Variants in TCERG1L observed in about 807,000 individuals in gnomAD.
The protein encoded by TCERG1L is transcription elongation regulator 1 like.
Under a neutral mutation model 56.3 loss-of-function variants are expected in TCERG1L, and 37 were observed. The ratio of observed to expected loss-of-function variants is 0.66; its 90% CI spans 0.51 to 0.87. TCERG1L has a LOEUF of 0.87. Ranked by LOEUF, TCERG1L falls within the 40% of genes least tolerant of loss-of-function variation. TCERG1L has a pLI of 0.00. For missense variants in TCERG1L, 799 were observed against 774.2 expected (o/e 1.03, Z -0.38); for synonymous variants, 324 against 326.3 (o/e 0.99, Z 0.08).
intron 4 of TCERG1L, among the ~76,000 whole-genome samples, chr10:131,229,802 AT>A (rs558953245): frequency 5.6e-4 from 85 of 152,290 alleles, no homozygotes; most frequent in Middle Eastern, 3.4e-3. Context: ...ATAATTGAGA[AT>A]AAAGGCATAG....
At chr10:131,163,463 T>C (rs560582813) in intron 5 of TCERG1L, among the ~76,000 whole-genome samples, 58 of 152,266 alleles carry the variant, frequency 3.8e-4, no homozygotes, top group African/African-American at 1.3e-3. Flanking sequence ...GCTGCCTGCT[T>C]TTCCAGAAGC....
intron 3 of TCERG1L, among the ~76,000 whole-genome samples, chr10:131,266,228 G>A (rs540758606): frequency 6.6e-6 from 1 of 152,282 alleles, no homozygotes; most frequent in South Asian, 2.1e-4. Flanking sequence ...TCCACTTCTA[G>A]TTCTCTTGCT....
At chr10:131,141,356 C>T (rs1845736824) in intron 7 of TCERG1L, among the ~76,000 whole-genome samples, 1 of 152,110 alleles carries the variant, frequency 6.6e-6, no homozygotes, top group African/African-American at 2.4e-5. Context: ...ACCTCCCCTC[C>T]CTGCCTCCTG....
intron 3 of TCERG1L, among the ~76,000 whole-genome samples, chr10:131,300,288 T>C (rs1397647614): frequency 3.3e-5 from 5 of 152,188 alleles, no homozygotes; most frequent in African/African-American, 1.2e-4. Context: ...AATGTCCATT[T>C]TTATTTCCTT....
At chr10:131,196,661 C>T (rs958015288) in intron 4 of TCERG1L, among the ~76,000 whole-genome samples, 1 of 152,210 alleles carries the variant, frequency 6.6e-6, no homozygotes, top group African/African-American at 2.4e-5. Context: ...CTTGGCACAC[C>T]TGGGGCTGCG....
chr10:131,151,342 G>A (rs1206514416), intron 6 of TCERG1L, among the ~76,000 whole-genome samples: 1 of 152,170 alleles, frequency 6.6e-6, no homozygotes, highest in Admixed American at 6.5e-5. Context: ...ACAGGCATTG[G>A]ATAAATGCTC....
chr10:131,273,129 C>T (rs1322243584), intron 3 of TCERG1L, among the ~76,000 whole-genome samples: 4 of 152,178 alleles, frequency 2.6e-5, no homozygotes, highest in Non-Finnish European at 4.4e-5. Flanking sequence ...TTCCACTCCC[C>T]GCATCCCTTC....
intron 4 of TCERG1L, among the ~76,000 whole-genome samples, chr10:131,184,730 A>T (rs1048083439): frequency 1.3e-5 from 2 of 152,236 alleles, no homozygotes; most frequent in Non-Finnish European, 2.9e-5. Flanking sequence ...CCTCAGCATC[A>T]AACAAGGAAA....
chr10:131,310,996 C>G (rs1846885215), intron 1 of TCERG1L, among the ~76,000 whole-genome samples: 1 of 152,206 alleles, frequency 6.6e-6, no homozygotes, highest in Admixed American at 6.5e-5. Flanking sequence ...GGACAGTGAC[C>G]CCCGGCGTGG....
At chr10:131,241,684 T>C (rs529299340) in intron 4 of TCERG1L, among the ~76,000 whole-genome samples, 7 of 151,452 alleles carry the variant, frequency 4.6e-5, no homozygotes, top group East Asian at 1.9e-4. Flanking sequence ...GTGGATAGCG[T>C]AATATAAAAA....
At chr10:131,117,716 G>A (rs549981174) in intron 8 of TCERG1L, among the ~76,000 whole-genome samples, 3 of 152,322 alleles carry the variant, frequency 2.0e-5, no homozygotes, top group Admixed American at 6.5e-5. Context: ...GGGCAGGGAG[G>A]CTGGACCCTA....
At chr10:131,094,797 C>A (rs1181394171) in intron 11 of TCERG1L, among the ~76,000 whole-genome samples, 18 of 152,328 alleles carry the variant, frequency 1.2e-4, no homozygotes, top group Non-Finnish European at 2.2e-4. Flanking sequence ...ACACTCCACC[C>A]CGACCTGCGG....
At chr10:131,236,045 G>A (rs1002697907) in intron 4 of TCERG1L, among the ~76,000 whole-genome samples, 1 of 152,196 alleles carries the variant, frequency 6.6e-6, no homozygotes, top group African/African-American at 2.4e-5. Context: ...GGCTCACCTA[G>A]TGTGTGTGCC....
intron 9 of TCERG1L, among the ~76,000 whole-genome samples, chr10:131,115,612 T>C (rs1845452330): frequency 7.9e-6 from 1 of 126,454 alleles, no homozygotes; most frequent in Non-Finnish European, 1.8e-5. Context: ...CCACTTTTCC[T>C]TCTGGTTCCC....
intron 4 of TCERG1L, among the ~76,000 whole-genome samples, chr10:131,256,766 C>T (rs139968882): frequency 1.1e-4 from 16 of 151,576 alleles, no homozygotes; most frequent in Non-Finnish European, 1.5e-5. Context: ...CACCTGTAAT[C>T]GTAGCTACAG....
chr10:131,268,670 G>A (rs934071055), intron 3 of TCERG1L, among the ~76,000 whole-genome samples: 4 of 152,254 alleles, frequency 2.6e-5, no homozygotes, highest in African/African-American at 7.2e-5. Flanking sequence ...ATAACTGGGT[G>A]CAGCTTCTTC....
chr10:131,120,004 G>A (rs1029054216), intron 8 of TCERG1L, among the ~76,000 whole-genome samples: 1 of 152,128 alleles, frequency 6.6e-6, no homozygotes, highest in Non-Finnish European at 1.5e-5. Context: ...CATAGCCCTG[G>A]GCGGGGGTCC....
At chr10:131,275,997 C>T (rs917316028) in intron 3 of TCERG1L, among the ~76,000 whole-genome samples, 4 of 152,222 alleles carry the variant, frequency 2.6e-5, no homozygotes, top group African/African-American at 9.6e-5. Context: ...CTCCACCACA[C>T]ACACAGAAAC....
chr10:131,306,414 G>A (rs894297862), intron 3 of TCERG1L, among the ~76,000 whole-genome samples: 4 of 133,864 alleles, frequency 3.0e-5, no homozygotes, highest in South Asian at 2.2e-4. Flanking sequence ...TATATGATCC[G>A]TAAATTAAAA....
Sources: gnomAD v4.1 joint callset for allele counts (sites outside exome capture counted in the v4.1 genomes callset) on GRCh38, gnomAD v4.1.1 for gene constraint, MANE v1.5 for transcripts, NCBI Gene and HGNC (gene_info 2026-07-23, HGNC 2026-07-21) for gene names.